The following PPP1R14C variants were observed in gnomAD, a reference collection of about 807,000 sequenced individuals.
The protein encoded by PPP1R14C is protein phosphatase 1 regulatory inhibitor subunit 14C.
Under a neutral mutation model 20.4 loss-of-function variants are expected in PPP1R14C, and 16 were observed. The observed-to-expected ratio is 0.78, with a 90% confidence interval of 0.53 to 1.19. PPP1R14C has a LOEUF of 1.19. Ranked by LOEUF, PPP1R14C falls within the 50% of genes most tolerant of loss-of-function variation. The pLI, the probability that PPP1R14C is intolerant of heterozygous loss-of-function variation, is 0.00. For synonymous variants in PPP1R14C, 91 were observed against 91.0 expected, an observed-to-expected ratio of 1.00 and a Z score of 0.00; for missense variants, 211 against 220.1, an observed-to-expected ratio of 0.96 and a Z score of 0.26.
At chr6:150,205,829 G>A (rs1777942909) in intron 1 of PPP1R14C, among the ~76,000 whole-genome samples, 1 of 151,552 alleles carries the variant, frequency 6.6e-6, no homozygotes, top group African/African-American at 2.4e-5. Flanking sequence ...AAAAGAAAAA[G>A]AAATATATAT....
chr6:150,159,696 C>T (rs1777343848), intron 1 of PPP1R14C, among the ~76,000 whole-genome samples: 1 of 151,780 alleles, frequency 6.6e-6, no homozygotes, highest in Non-Finnish European at 1.5e-5. Context: ...AGACAGAACA[C>T]TATTGCCATA....
chr6:150,238,438 G>A (rs1778389608), intron 3 of PPP1R14C, among the ~76,000 whole-genome samples: 1 of 152,256 alleles, frequency 6.6e-6, no homozygotes, highest in Non-Finnish European at 1.5e-5. Flanking sequence ...GTCATTTCCG[G>A]ATTCTGTGGC....
chr6:150,208,825 C>A (rs1436230305), intron 1 of PPP1R14C, among the ~76,000 whole-genome samples: 1 of 152,134 alleles, frequency 6.6e-6, no homozygotes, highest in Non-Finnish European at 1.5e-5. Context: ...CACAGAGCAG[C>A]CCGGCACAGC....
chr6:150,184,072 G>C (rs1777651067), intron 1 of PPP1R14C, among the ~76,000 whole-genome samples: 1 of 152,198 alleles, frequency 6.6e-6, no homozygotes, highest in Non-Finnish European at 1.5e-5. Flanking sequence ...CAGGCAAGTT[G>C]AATGTTATTT....
intron 3 of PPP1R14C, among the ~76,000 whole-genome samples, chr6:150,226,861 C>T (rs1778236433): frequency 6.6e-6 from 1 of 152,084 alleles, no homozygotes; most frequent in African/African-American, 2.4e-5. Context: ...CAGTAATCTA[C>T]CAGGTAATGG....
At chr6:150,177,814 A>G (rs1278988833) in intron 1 of PPP1R14C, among the ~76,000 whole-genome samples, 3 of 152,042 alleles carry the variant, frequency 2.0e-5, no homozygotes, top group Non-Finnish European at 4.4e-5. Flanking sequence ...GCCAGTCCGG[A>G]CTGCAGCAGA....
At chr6:150,223,898 T>G (rs901593601) in intron 3 of PPP1R14C, among the ~76,000 whole-genome samples, 3 of 152,246 alleles carry the variant, frequency 2.0e-5, no homozygotes, top group African/African-American at 7.2e-5. Context: ...TCATGCCTTT[T>G]GTGTTGTATC....
intron 1 of PPP1R14C, among the ~76,000 whole-genome samples, chr6:150,145,049 G>A (rs879072221): frequency 6.6e-6 from 1 of 151,948 alleles, no homozygotes; most frequent in Non-Finnish European, 1.5e-5. Context: ...AATAGAAAAA[G>A]CATTGTTGAA....
chr6:150,179,195 C>T (rs950361834), intron 1 of PPP1R14C, among the ~76,000 whole-genome samples: 1 of 152,072 alleles, frequency 6.6e-6, no homozygotes, highest in African/African-American at 2.4e-5. Flanking sequence ...TGCTTGAGCC[C>T]AGGAGTTCAG....
chr6:150,211,339 G>T (rs545416621), intron 1 of PPP1R14C, among the ~76,000 whole-genome samples: 1 of 152,270 alleles, frequency 6.6e-6, no homozygotes, highest in African/African-American at 2.4e-5. Context: ...TCGTGCTATG[G>T]GTACCAACAG....
At position 150,238,938 on chromosome 6, in the gene PPP1R14C, G is replaced by C. The variant is rs373821305; in HGVS notation, c.424-9808G>C. On this transcript the variant is annotated intron_variant, in intron 3 of 3. Transcript: ENST00000361131. ...GCCACATAGAGGAGGCCTTCAATCA[G>C]GGTTTCCTTCTTTTTTTTTTGGCGG... Among the ~76,000 whole-genome samples the C allele has an allele frequency of 2.5e-4, 38 of 152,270 alleles. No individual in the cohort carries two copies. In the South Asian group the frequency reaches 6.2e-3, roughly 25 times the overall value.
rs1198296824 is a variant in PPP1R14C, at chr6:150,241,336, C to G, written c.424-7410C>G. 3.9e-5 allele frequency among the ~76,000 whole-genome samples: 6 copies of G among 152,184 alleles called. No individual in the cohort carries two copies. In the East Asian group the frequency reaches 1.2e-3, roughly 29 times the overall value. On this transcript the variant is annotated intron_variant, in intron 3 of 3. Coordinates refer to ENST00000361131, the MANE Select transcript of PPP1R14C (RefSeq NM_030949.3). ...CCTGACCTGTGTGTCTCTTCATCTG[C>G]TGTTCATCTGTATCCTTTATCACAT... is the stretch of plus-strand genomic sequence containing the variant.
chr6:150,149,416 C>T (rs1391863505), intron 1 of PPP1R14C, among the ~76,000 whole-genome samples: 1 of 150,760 alleles, frequency 6.6e-6, no homozygotes, highest in Non-Finnish European at 1.5e-5. Context: ...TCGTTGACCA[C>T]CCAGGCTCAA....
chr6:150,173,021 G>A (rs1777516160), intron 1 of PPP1R14C, among the ~76,000 whole-genome samples: 1 of 152,008 alleles, frequency 6.6e-6, no homozygotes, highest in Non-Finnish European at 1.5e-5. Flanking sequence ...AAATAGACCT[G>A]GAGTTTTTTT....
At chr6:150,146,803 T>C (rs1173221554) in intron 1 of PPP1R14C, among the ~76,000 whole-genome samples, 1 of 152,206 alleles carries the variant, frequency 6.6e-6, no homozygotes, top group Non-Finnish European at 1.5e-5. Context: ...GGGGCACTGG[T>C]TCTGGATAGA....
chr6:150,167,941 C>CCTCCCCT (rs1777442209), intron 1 of PPP1R14C, among the ~76,000 whole-genome samples: 7 of 120,514 alleles, frequency 5.8e-5, no homozygotes, highest in East Asian at 5.1e-4. Flanking sequence ...CTCCATGTCT[C>CCTCCCCT]CGTTCTCCCC....
At chr6:150,158,699 G>GT (rs142546834) in intron 1 of PPP1R14C, among the ~76,000 whole-genome samples, 10,755 of 152,166 alleles carry the variant, frequency 0.071, 528 homozygotes, top group East Asian at 0.28. Flanking sequence ...CTTCAAAGTT[G>GT]TTTTTTAGAA....
intron 1 of PPP1R14C, among the ~76,000 whole-genome samples, chr6:150,172,467 G>A (rs894074712): frequency 1.3e-5 from 2 of 152,206 alleles, no homozygotes; most frequent in Non-Finnish European, 2.9e-5. Context: ...GCCCTGTGGT[G>A]CAGGTGGGGA....
chr6:150,165,330 T>A (rs964513338), intron 1 of PPP1R14C, among the ~76,000 whole-genome samples: 1 of 152,236 alleles, frequency 6.6e-6, no homozygotes, highest in African/African-American at 2.4e-5. Context: ...ATATCTGGGC[T>A]CCCAGTCCAA....
Sources: allele counts gnomAD v4.1 joint callset (sites outside exome capture counted in the v4.1 genomes callset), GRCh38; gene constraint gnomAD v4.1.1; transcripts MANE v1.5; gene names NCBI Gene and HGNC (gene_info 2026-07-23, HGNC 2026-07-21).